Variants in PCDH15 observed in about 807,000 individuals in gnomAD.
PCDH15 encodes the protein protocadherin related 15.
Under a neutral mutation model 178.5 loss-of-function variants are expected in PCDH15, and 129 were observed. The ratio of observed to expected loss-of-function variants is 0.72; its 90% confidence interval spans 0.63 to 0.84. The LOEUF (loss-of-function observed/expected upper bound fraction) is 0.84. Among genes scored for constraint, PCDH15 ranks in the 40% least tolerant of loss-of-function variants. The probability of loss-of-function intolerance (pLI) is 0.00; values close to 1 mark genes in which losing one functional copy is unlikely to be tolerated. For synonymous variants in PCDH15, 800 were observed against 732.0 expected, an observed-to-expected ratio of 1.09 and a Z score of -1.50; for missense variants, 2,230 against 2,099.9, an observed-to-expected ratio of 1.06 and a Z score of -1.21.
At chr10:55,209,798 T>C (rs1242421392) in intron 1 of PCDH15, among the ~76,000 whole-genome samples, 1 of 152,052 alleles carries the variant, frequency 6.6e-6, no homozygotes, top group Non-Finnish European at 1.5e-5. Flanking sequence ...AAATACCAAT[T>C]TAGTATCTGG....
chr10:55,522,487 G>A (rs1352786029), intron 2 of PCDH15, among the ~76,000 whole-genome samples: 2 of 151,536 alleles, frequency 1.3e-5, no homozygotes, highest in Non-Finnish European at 3.0e-5. Context: ...CTTTATATAT[G>A]TTATTGCTCC....
chr10:54,094,586 G>A (rs986628300), intron 15 of PCDH15, among the ~76,000 whole-genome samples: 1 of 152,150 alleles, frequency 6.6e-6, no homozygotes, highest in African/African-American at 2.4e-5. Context: ...GCATGTGGAA[G>A]AGGAGCTCCT....
intron 15 of PCDH15, among the ~76,000 whole-genome samples, chr10:54,121,847 C>T (rs117417255): frequency 0.018 from 2,666 of 152,108 alleles, 28 homozygotes; most frequent in Non-Finnish European, 0.029. Flanking sequence ...TAATAAGCCC[C>T]AGTCCAGATA....
intron 2 of PCDH15, among the ~76,000 whole-genome samples, chr10:54,953,739 T>C (rs1038176466): frequency 1.3e-5 from 2 of 151,322 alleles, no homozygotes; most frequent in Middle Eastern, 3.2e-3. Context: ...TTCATCGGTA[T>C]GTCCTAGAAT....
chr10:54,449,118 G>A (rs1014897755), intron 3 of PCDH15, among the ~76,000 whole-genome samples: 5 of 151,636 alleles, frequency 3.3e-5, no homozygotes, highest in African/African-American at 1.2e-4. Context: ...AACTATTGGG[G>A]CTGAGGGTAA....
chr10:54,466,767 AATG>A (rs1432898974), intron 3 of PCDH15, among the ~76,000 whole-genome samples: 6 of 151,958 alleles, frequency 3.9e-5, no homozygotes, highest in African/African-American at 1.2e-4. Flanking sequence ...TGGTCACTTT[AATG>A]ATGTTAATTC....
chr10:55,388,360 G>T (rs142091833), intron 2 of PCDH15, among the ~76,000 whole-genome samples: 2 of 151,920 alleles, frequency 1.3e-5, no homozygotes, highest in East Asian at 1.9e-4. Flanking sequence ...TCATTTCTGT[G>T]CTTAATTTTC....
intron 2 of PCDH15, among the ~76,000 whole-genome samples, chr10:54,582,554 A>C (rs2091131492): frequency 6.6e-6 from 1 of 152,042 alleles, no homozygotes; most frequent in Admixed American, 6.6e-5. Context: ...AGGTGCTCTT[A>C]TTTTCTTTTT....
At chr10:54,000,945 A>C (rs1450104372) in intron 20 of PCDH15, among the ~76,000 whole-genome samples, 2 of 152,188 alleles carry the variant, frequency 1.3e-5, no homozygotes, top group African/African-American at 4.8e-5. Flanking sequence ...GGAGTAAGAG[A>C]AAAGAAACAA....
chr10:54,395,601 T>C (rs1951107398), intron 3 of PCDH15, among the ~76,000 whole-genome samples: 1 of 151,552 alleles, frequency 6.6e-6, no homozygotes. Flanking sequence ...TTGATTAAAG[T>C]CACAGTTTCC....
At chr10:55,253,932 T>C (rs12252262) in intron 1 of PCDH15, among the ~76,000 whole-genome samples, 2,764 of 152,292 alleles carry the variant, frequency 0.018, 26 homozygotes, top group African/African-American at 0.036. Context: ...ATAAAATTAG[T>C]AATTTAGACA....
At chr10:54,136,440 C>T (rs1298187048) in intron 14 of PCDH15, among the ~76,000 whole-genome samples, 1 of 148,708 alleles carries the variant, frequency 6.7e-6, no homozygotes, top group Non-Finnish European at 1.5e-5. Flanking sequence ...ACTGCAGATT[C>T]GAAGCTTTCT....
chr10:54,448,700 A>C (rs16915224), intron 3 of PCDH15, among the ~76,000 whole-genome samples: 3 of 151,680 alleles, frequency 2.0e-5, no homozygotes, highest in Non-Finnish European at 4.4e-5. Flanking sequence ...GCTGACTGTA[A>C]TCCTCTATAA....
chr10:55,242,182 C>A (rs1841561186), intron 1 of PCDH15, among the ~76,000 whole-genome samples: 1 of 152,146 alleles, frequency 6.6e-6, no homozygotes, highest in Non-Finnish European at 1.5e-5. Context: ...TAGTTTCCAA[C>A]CACTGGTGTT....
At chr10:55,040,151 A>G (rs1840830442) in intron 2 of PCDH15, among the ~76,000 whole-genome samples, 1 of 152,180 alleles carries the variant, frequency 6.6e-6, no homozygotes, top group African/African-American at 2.4e-5. Context: ...TGTCTAATTT[A>G]CAGAACTAGA....
chr10:53,923,022 G>A (rs780642365), intron 25 of PCDH15, among the ~76,000 whole-genome samples: 2 of 152,156 alleles, frequency 1.3e-5, no homozygotes, highest in Non-Finnish European at 2.9e-5. Flanking sequence ...GGGAGGTGGA[G>A]TTTGCAGTGA....
intron 2 of PCDH15, among the ~76,000 whole-genome samples, chr10:55,014,558 A>C (rs1840124560): frequency 6.6e-6 from 1 of 152,232 alleles, no homozygotes; most frequent in African/African-American, 2.4e-5. Context: ...AAAAAATGAA[A>C]AAATGAAAAG....
intron 4 of PCDH15, among the ~76,000 whole-genome samples, chr10:54,370,888 G>A (rs1255887194): frequency 6.6e-6 from 1 of 151,688 alleles, no homozygotes; most frequent in Non-Finnish European, 1.5e-5. Flanking sequence ...GAAAAAGAAA[G>A]TTGACTTGAA....
chr10:54,356,987 A>C (rs1481845354), intron 5 of PCDH15, among the ~76,000 whole-genome samples: 1 of 152,198 alleles, frequency 6.6e-6, no homozygotes, highest in Non-Finnish European at 1.5e-5. Flanking sequence ...ATCTCAATAA[A>C]TTAGGTATTG....
Sources: gnomAD v4.1 joint callset for allele counts (sites outside exome capture counted in the v4.1 genomes callset) on GRCh38, gnomAD v4.1.1 for gene constraint, MANE v1.5 for transcripts, NCBI Gene and HGNC (gene_info 2026-07-23, HGNC 2026-07-21) for gene names.